Variants in COL21A1 observed in about 807,000 individuals in gnomAD.
COL21A1 encodes the protein collagen type XXI alpha 1 chain.
Under a neutral mutation model 137.9 loss-of-function variants are expected in COL21A1, and 149 were observed. The ratio of observed to expected loss-of-function variants is 1.08; its 90% confidence interval spans 0.95 to 1.24. COL21A1 has a LOEUF of 1.24. Among genes scored for constraint, COL21A1 ranks in the 50% most tolerant of loss-of-function variants. The probability of loss-of-function intolerance (pLI) is 0.00; values close to 1 mark genes in which losing one functional copy is unlikely to be tolerated. For missense variants in COL21A1, 1,167 were observed against 1,158.4 expected (o/e 1.01, Z -0.11); for synonymous variants, 456 against 391.5 (o/e 1.16, Z -1.95).
chr6:56,292,067 G>C (rs1437357356), intron 1 of COL21A1, among the ~76,000 whole-genome samples: 1 of 152,122 alleles, frequency 6.6e-6, no homozygotes, highest in Non-Finnish European at 1.5e-5. Flanking sequence ...TACTCGGGAG[G>C]CTGAGGCAGG....
At chr6:56,209,884 C>T (rs540807470) in intron 1 of COL21A1, among the ~76,000 whole-genome samples, 74 of 152,276 alleles carry the variant, frequency 4.9e-4, no homozygotes, top group African/African-American at 1.1e-3. Context: ...CCTAAATGTC[C>T]ATCAATGATA....
At chr6:56,283,864 T>TCACACA (rs142900697) in intron 1 of COL21A1, among the ~76,000 whole-genome samples, 6 of 133,802 alleles carry the variant, frequency 4.5e-5, no homozygotes, top group East Asian at 2.1e-4. Context: ...GTAGACACAC[T>TCACACA]CACACACACA....
chr6:56,243,826 A>G (rs749748759), intron 1 of COL21A1, among the ~76,000 whole-genome samples: 5 of 152,196 alleles, frequency 3.3e-5, no homozygotes, highest in East Asian at 1.9e-4. Flanking sequence ...TTTAACCAAG[A>G]GTCTATGCAG....
chr6:56,387,136 A>G (rs971268850), intron 1 of COL21A1, among the ~76,000 whole-genome samples: 1 of 152,236 alleles, frequency 6.6e-6, no homozygotes, highest in African/African-American at 2.4e-5. Context: ...GATTTCAGGG[A>G]CAGCTGAGAC....
chr6:56,139,250 A>G (rs1774221891), intron 12 of COL21A1, among the ~76,000 whole-genome samples: 1 of 152,110 alleles, frequency 6.6e-6, no homozygotes, highest in Non-Finnish European at 1.5e-5. Flanking sequence ...ATCATCACCA[A>G]TTTATAGCAT....
intron 1 of COL21A1, among the ~76,000 whole-genome samples, chr6:56,353,043 GA>G (rs1328711130): frequency 1.3e-5 from 2 of 150,432 alleles, no homozygotes; most frequent in Admixed American, 6.6e-5. Flanking sequence ...CTGTTTCAAA[GA>G]AAAAAAAAGA....
At chr6:56,285,744 C>T (rs963139935) in intron 1 of COL21A1, among the ~76,000 whole-genome samples, 3 of 152,140 alleles carry the variant, frequency 2.0e-5, no homozygotes, top group East Asian at 1.9e-4. Context: ...AGTCCTCTTC[C>T]CACTCATTAA....
upstream of COL21A1, among the ~76,000 whole-genome samples, chr6:56,251,833 T>C (rs1229181747): frequency 6.6e-6 from 1 of 152,224 alleles, no homozygotes; most frequent in African/African-American, 2.4e-5. Context: ...CACTTTTTCC[T>C]CTAGCAGTCC....
rs1458242376 is a variant in COL21A1, at chr6:56,057,095, G to A, written c.*562C>T. ...TTAAGAAACACTCTAATCTTATTCA[G>A]AGGTGCTATTCACAACACCGAACAA... On this transcript the variant is annotated 3_prime_UTR_variant, in exon 30 of 30. Coordinates refer to ENST00000244728, the MANE Select transcript of COL21A1 (RefSeq NM_030820.4). 1 of 153,268 alleles carries A rather than the reference G, an allele frequency of 6.5e-6. No individual in the cohort carries two copies. Among genetic ancestry groups the A allele is most frequent in the African/African-American group, 2.4e-5 (1 of 41,440 alleles). 9.5% of individuals were successfully genotyped at this position (153,268 alleles called of 1,614,324 possible).
At chr6:56,160,120 T>C (rs1561930633) in intron 9 of COL21A1, among the ~76,000 whole-genome samples, 1 of 152,230 alleles carries the variant, frequency 6.6e-6, no homozygotes. Context: ...GGTTTGGTAT[T>C]GTTCCTATAA....
chr6:56,060,678 T>C, intron 27 of COL21A1, 63 bp downstream of exon 27: 13 of 1,376,716 alleles, frequency 9.4e-6, no homozygotes, highest in Non-Finnish European at 1.3e-5. Flanking sequence ...CAATATGTCC[T>C]AAGAATTTGT....
At chr6:56,142,388 C>T (rs1169352376) in intron 10 of COL21A1, among the ~76,000 whole-genome samples, 1 of 152,066 alleles carries the variant, frequency 6.6e-6, no homozygotes, top group Admixed American at 6.5e-5. Context: ...CTGAGTTAGT[C>T]CCTAGAATAA....
intron 1 of COL21A1, among the ~76,000 whole-genome samples, chr6:56,239,253 G>T (rs1782108689): frequency 6.6e-6 from 1 of 152,082 alleles, no homozygotes; most frequent in South Asian, 2.1e-4. Flanking sequence ...TGTACTTTAT[G>T]AATTATAGGA....
chr6:56,348,544 G>A (rs902219665), intron 1 of COL21A1, among the ~76,000 whole-genome samples: 1 of 152,166 alleles, frequency 6.6e-6, no homozygotes, highest in African/African-American at 2.4e-5. Context: ...GGAGGGAGAG[G>A]TTCTTCTGTA....
chr6:56,154,416 C>T (rs1272567964), intron 10 of COL21A1, among the ~76,000 whole-genome samples: 1 of 152,190 alleles, frequency 6.6e-6, no homozygotes, highest in Non-Finnish European at 1.5e-5. Context: ...TTGCCCAGTA[C>T]AGTAAATGGC....
intron 1 of COL21A1, among the ~76,000 whole-genome samples, chr6:56,387,811 G>A (rs1012626145): frequency 6.6e-6 from 1 of 152,190 alleles, no homozygotes; most frequent in African/African-American, 2.4e-5. Flanking sequence ...TCATGGACCT[G>A]TGGCCCAGAA....
chr6:56,381,978 A>G (rs2094009430), intron 1 of COL21A1, among the ~76,000 whole-genome samples: 1 of 152,228 alleles, frequency 6.6e-6, no homozygotes, highest in African/African-American at 2.4e-5. Flanking sequence ...CTTCAGCAAC[A>G]GATATGAATC....
chr6:56,244,866 G>C (rs571027436), intron 1 of COL21A1, among the ~76,000 whole-genome samples: 27 of 152,240 alleles, frequency 1.8e-4, no homozygotes, highest in African/African-American at 6.5e-4. Context: ...ATTTTCACTA[G>C]ATCTACTTGG....
chr6:56,093,829 G>C (rs970525673), intron 17 of COL21A1, among the ~76,000 whole-genome samples: 19 of 152,040 alleles, frequency 1.2e-4, no homozygotes, highest in Admixed American at 5.2e-4. Flanking sequence ...TATATAATGA[G>C]GATTTACACA....
Sources: gnomAD v4.1 joint callset for allele counts (sites outside exome capture counted in the v4.1 genomes callset) on GRCh38, gnomAD v4.1.1 for gene constraint, MANE v1.5 for transcripts, NCBI Gene and HGNC (gene_info 2026-07-23, HGNC 2026-07-21) for gene names.